Variants in AGBL4 observed in about 807,000 individuals in gnomAD.
AGBL4 encodes AGBL carboxypeptidase 4.
Under a neutral mutation model 66.4 loss-of-function variants are expected in AGBL4, and 58 were observed. That is an observed-to-expected ratio of 0.87 (90% confidence interval 0.71 to 1.09). The LOEUF is 1.09. Ranked by LOEUF, AGBL4 falls within the 50% of genes least tolerant of loss-of-function variation. The pLI, the probability that AGBL4 is intolerant of heterozygous loss-of-function variation, is 0.00. For synonymous variants in AGBL4, 234 were observed against 222.9 expected, an observed-to-expected ratio of 1.05 and a Z score of -0.44; for missense variants, 579 against 631.0, an observed-to-expected ratio of 0.92 and a Z score of 0.88.
intron 2 of AGBL4, among the ~76,000 whole-genome samples, chr1:49,719,891 G>A (rs1440012349): frequency 6.6e-6 from 1 of 152,036 alleles, no homozygotes. Context: ...GCTGCCATGT[G>A]AAGAAGGATG....
At chr1:48,955,297 G>A (rs774945044) in intron 5 of AGBL4, among the ~76,000 whole-genome samples, 4 of 152,160 alleles carry the variant, frequency 2.6e-5, no homozygotes, top group Non-Finnish European at 4.4e-5. Flanking sequence ...TCACCCTTAT[G>A]GGTAATGCTG....
At chr1:48,962,096 CCCATCCAT>C (rs372705417) in intron 5 of AGBL4, among the ~76,000 whole-genome samples, 1 of 151,032 alleles carries the variant, frequency 6.6e-6, no homozygotes, top group African/African-American at 2.5e-5. Flanking sequence ...CTTAAAAGAT[CCCATCCAT>C]CCATCCATCC....
chr1:48,968,694 G>A (rs562814020), intron 5 of AGBL4, among the ~76,000 whole-genome samples: 2 of 152,268 alleles, frequency 1.3e-5, no homozygotes, highest in East Asian at 3.9e-4. Context: ...TGGCAGAGAT[G>A]AACCTGGGAC....
At chr1:49,708,383 C>T (rs1026821598) in intron 2 of AGBL4, among the ~76,000 whole-genome samples, 4 of 151,892 alleles carry the variant, frequency 2.6e-5, no homozygotes, top group African/African-American at 9.7e-5. Flanking sequence ...CAGTTCTCGT[C>T]CTGTGTTTTT....
intron 4 of AGBL4, among the ~76,000 whole-genome samples, chr1:49,215,206 G>A (rs1648989746): frequency 6.6e-6 from 1 of 152,034 alleles, no homozygotes; most frequent in Non-Finnish European, 1.5e-5. Flanking sequence ...TGTGCTCTGT[G>A]GGAGTTTTGC....
intron 1 of AGBL4, among the ~76,000 whole-genome samples, chr1:50,016,387 C>T (rs915939404): frequency 6.6e-6 from 1 of 152,100 alleles, no homozygotes. Context: ...CATGGCAAAA[C>T]CCACCTCTAC....
intron 3 of AGBL4, among the ~76,000 whole-genome samples, chr1:49,357,525 G>A (rs1020992731): frequency 6.6e-6 from 1 of 152,124 alleles, no homozygotes; most frequent in Non-Finnish European, 1.5e-5. Flanking sequence ...GAAAAACACA[G>A]GTACTAGAGT....
At chr1:49,127,285 G>A (rs1235438954) in intron 4 of AGBL4, among the ~76,000 whole-genome samples, 2 of 152,114 alleles carry the variant, frequency 1.3e-5, no homozygotes, top group African/African-American at 2.4e-5. Flanking sequence ...TCTGCAGGGG[G>A]AAAGGATGGG....
At chr1:48,677,382 G>A (rs549521162) in intron 6 of AGBL4, among the ~76,000 whole-genome samples, 2 of 152,042 alleles carry the variant, frequency 1.3e-5, no homozygotes, top group African/African-American at 4.8e-5. Context: ...TAACATATTC[G>A]CCACCACAGC....
rs181517425 is a variant in AGBL4, at chr1:49,298,351, C to G, written c.283-52487G>C. 2.3e-3 allele frequency among the ~76,000 whole-genome samples: 353 copies of G among 152,314 alleles called. 1 individual carries two copies. Among genetic ancestry groups the G allele is most frequent in the African/African-American group, 7.2e-3 (301 of 41,570 alleles). ...AAAGCAACAGATCTCCCCTCTCCCC[C>G]CAGGTTCCCTGATGGTTTCAGTGCC... On this transcript the variant is annotated intron_variant, in intron 3 of 13. Coordinates refer to ENST00000371839, the MANE Select transcript of AGBL4 (RefSeq NM_032785.4).
chr1:49,940,359 C>A (rs1654616597), intron 1 of AGBL4, among the ~76,000 whole-genome samples: 2 of 152,002 alleles, frequency 1.3e-5, no homozygotes, highest in Admixed American at 6.6e-5. Context: ...GGGTATATAC[C>A]CAAAGGACTA....
At chr1:48,713,368 G>T (rs974580212) in intron 6 of AGBL4, among the ~76,000 whole-genome samples, 2 of 152,192 alleles carry the variant, frequency 1.3e-5, no homozygotes, top group African/African-American at 4.8e-5. Context: ...CCAGGTTTCA[G>T]TCAGGAGGAC....
At position 49,700,445 on chromosome 1, in the gene AGBL4, T is replaced by TA. The variant is rs1244459375; in HGVS notation, c.158-3009dup. Among the ~76,000 whole-genome samples, 4 of 152,046 alleles carry TA rather than the reference T, an allele frequency of 2.6e-5. No individual in the cohort carries two copies. The South Asian group carries it at 6.2e-4, about 24-fold the overall frequency. The stretch of plus-strand genomic sequence containing the variant: ...TTTAACACACCAATATCCCTTACTG[T>TA]AAAAAATACCAAAAGAAATATTCAG... On this transcript the variant is annotated intron_variant, in intron 2 of 13. Coordinates refer to ENST00000371839, the MANE Select transcript of AGBL4 (RefSeq NM_032785.4).
At chr1:49,214,858 C>T (rs1648960732) in intron 4 of AGBL4, among the ~76,000 whole-genome samples, 1 of 152,100 alleles carries the variant, frequency 6.6e-6, no homozygotes, top group African/African-American at 2.4e-5. Context: ...ATATTTGTTG[C>T]TGAAACATTT....
In AGBL4 at chr1:48,555,127, A is replaced by G. The variant is rs936683176; in HGVS notation, c.1268-15389T>C. The stretch of plus-strand genomic sequence containing the variant: ...TGCAAAAAGTGGGATTTAATATTGG[A>G]GACACCCTGGAAGCTTCTCAGAATA... On this transcript the variant is annotated intron_variant, in intron 11 of 13. Coordinates refer to ENST00000371839, the MANE Select transcript of AGBL4 (RefSeq NM_032785.4). 2.5e-4 allele frequency among the ~76,000 whole-genome samples: 38 copies of G among 152,030 alleles called. 1 individual carries two copies. Among genetic ancestry groups the G allele is most frequent in the African/African-American group, 8.7e-4 (36 of 41,400 alleles).
intron 3 of AGBL4, among the ~76,000 whole-genome samples, chr1:49,316,751 A>G (rs2148469778): frequency 6.6e-6 from 1 of 151,954 alleles, no homozygotes; most frequent in African/African-American, 2.4e-5. Context: ...AAATATACAT[A>G]ATCTCAATTT....
At chr1:49,518,242 T>A (rs894302103) in intron 3 of AGBL4, among the ~76,000 whole-genome samples, 4 of 152,052 alleles carry the variant, frequency 2.6e-5, no homozygotes, top group Non-Finnish European at 4.4e-5. Context: ...ACCCAGGGCC[T>A]TCCTATCTAT....
At chr1:49,039,557 G>A (rs1318196138) in intron 5 of AGBL4, among the ~76,000 whole-genome samples, 1 of 152,028 alleles carries the variant, frequency 6.6e-6, no homozygotes, top group African/African-American at 2.4e-5. Context: ...ACTGAGCAGA[G>A]GCATCAGAGA....
chr1:49,221,160 T>C (rs1287082229), intron 4 of AGBL4, among the ~76,000 whole-genome samples: 1 of 152,152 alleles, frequency 6.6e-6, no homozygotes, highest in Non-Finnish European at 1.5e-5. Flanking sequence ...TCCATTGTGC[T>C]ATATGGCATA....
Sources: allele counts gnomAD v4.1 joint callset (sites outside exome capture counted in the v4.1 genomes callset), GRCh38; gene constraint gnomAD v4.1.1; transcripts MANE v1.5; gene names NCBI Gene and HGNC (gene_info 2026-07-23, HGNC 2026-07-21).